SAMD3: variants seen among roughly 807,000 people sequenced by gnomAD.
SAMD3 encodes the protein sterile alpha motif domain-containing protein 3.
In SAMD3, 63 loss-of-function variants were observed where a neutral mutation model predicts 58.5. The ratio of observed to expected loss-of-function variants is 1.08; its 90% CI spans 0.88 to 1.33. The LOEUF is 1.33. Among genes scored for constraint, SAMD3 ranks in the 40% most tolerant of loss-of-function variants. The pLI, the probability that SAMD3 is intolerant of heterozygous loss-of-function variation, is 0.00. For synonymous variants in SAMD3, 220 were observed against 210.3 expected, an observed-to-expected ratio of 1.05 and a Z score of -0.40; for missense variants, 604 against 608.4, an observed-to-expected ratio of 0.99 and a Z score of 0.08.
At chr6:130,260,408 A>G (rs11154537) in intron 2 of SAMD3, among the ~76,000 whole-genome samples, 44,318 of 152,076 alleles carry the variant, frequency 0.29, 6,936 homozygotes, top group East Asian at 0.47. Flanking sequence ...AGCCCCTGTC[A>G]CGTACCTCTT....
intron 2 of SAMD3, among the ~76,000 whole-genome samples, chr6:130,247,752 A>T (rs1213249509): frequency 6.6e-6 from 1 of 152,208 alleles, no homozygotes. Context: ...TTTTACAGAC[A>T]TATTTGACTG....
intron 9 of SAMD3, among the ~76,000 whole-genome samples, chr6:130,148,992 C>A (rs900286811): frequency 4.6e-5 from 7 of 152,132 alleles, no homozygotes; most frequent in African/African-American, 1.7e-4. Flanking sequence ...AACAAAGGCA[C>A]CCGTTGATCC....
intron 7 of SAMD3, among the ~76,000 whole-genome samples, chr6:130,180,758 G>C (rs1438738731): frequency 6.6e-6 from 1 of 152,056 alleles, no homozygotes; most frequent in African/African-American, 2.4e-5. Context: ...CACCTAGTGG[G>C]TGCCAGGGAT....
chr6:130,164,607 G>A (rs551734615), intron 8 of SAMD3, among the ~76,000 whole-genome samples: 5 of 152,078 alleles, frequency 3.3e-5, no homozygotes, highest in Admixed American at 6.6e-5. Context: ...TTACACTGCC[G>A]CACCTGATAA....
chr6:130,194,285 T>A (rs1414634407), intron 5 of SAMD3, among the ~76,000 whole-genome samples: 2 of 152,216 alleles, frequency 1.3e-5, no homozygotes, highest in Non-Finnish European at 2.9e-5. Context: ...CCAGCCCAGT[T>A]CATGGCTTGT....
intron 1 of SAMD3, among the ~76,000 whole-genome samples, chr6:130,315,909 T>A (rs998491702): frequency 6.6e-6 from 1 of 152,158 alleles, no homozygotes; most frequent in Non-Finnish European, 1.5e-5. Context: ...TAAAAGGGCA[T>A]GTGAAAGTGT....
chr6:130,308,439 T>TATTCTATTCTA (rs1562513320), intron 2 of SAMD3, among the ~76,000 whole-genome samples: 1 of 148,772 alleles, frequency 6.7e-6, no homozygotes, highest in Admixed American at 6.8e-5. Flanking sequence ...TATTCTATTC[T>TATTCTATTCTA]TTTGTGTGTG....
intron 2 of SAMD3, among the ~76,000 whole-genome samples, chr6:130,289,171 A>G (rs554020664): frequency 7.9e-5 from 12 of 152,352 alleles, no homozygotes; most frequent in Admixed American, 6.5e-4. Flanking sequence ...TTTAAATGCT[A>G]GAAGTACTTT....
At chr6:130,143,838 A>G (rs1012927398), downstream of SAMD3, 1 of 152,332 alleles carries the variant, frequency 6.6e-6, no homozygotes, top group Non-Finnish European at 1.5e-5. Context: ...AGCAGAACAG[A>G]TAGAACTGGA....
chr6:130,266,910 C>T (rs778872224), intron 2 of SAMD3, among the ~76,000 whole-genome samples: 14 of 152,140 alleles, frequency 9.2e-5, no homozygotes, highest in Non-Finnish European at 1.8e-4. Context: ...CAAGATGGCT[C>T]ATGAGGATAC....
At position 130,144,526 on chromosome 6, in the gene SAMD3, G is replaced by A; in HGVS notation, c.1557C>T (p.Leu519=). ...KENEVGFQHP[L]T is the part of the protein sequence containing the mutation. ...TACAATATTTGGCATGCTATTAAGTGAGTGGGTGCTGAAATCCTACTTCGT... is the reference window on the plus strand; with the variant it reads ...TACAATATTTGGCATGCTATTAAGTAAGTGGGTGCTGAAATCCTACTTCGT... Residue 519 remains leucine, a synonymous_variant, in exon 12 of 12, where the codon CTC becomes CTT. Transcript: ENST00000439090. 1 of 1,613,738 alleles carries A rather than the reference G, an allele frequency of 6.2e-7. No individual in the cohort carries two copies.
chr6:130,172,098 T>G (rs1791305618), intron 8 of SAMD3, among the ~76,000 whole-genome samples: 1 of 152,250 alleles, frequency 6.6e-6, no homozygotes, highest in Non-Finnish European at 1.5e-5. Context: ...TGAGCCTATG[T>G]GTGTCTTTGC....
intron 1 of SAMD3, among the ~76,000 whole-genome samples, chr6:130,217,958 G>A (rs1165032207): frequency 6.6e-6 from 1 of 152,126 alleles, no homozygotes; most frequent in African/African-American, 2.4e-5. Context: ...GGCCTGGCGT[G>A]TAAAAAAGAA....
chr6:130,195,419 A>G (rs947652940), intron 5 of SAMD3, among the ~76,000 whole-genome samples: 3 of 151,962 alleles, frequency 2.0e-5, no homozygotes, highest in African/African-American at 7.3e-5. Flanking sequence ...CTCTCCTTAC[A>G]ATTCCCCCAT....
intron 1 of SAMD3, among the ~76,000 whole-genome samples, chr6:130,354,244 A>C (rs1190712131): frequency 6.6e-6 from 1 of 152,218 alleles, no homozygotes; most frequent in African/African-American, 2.4e-5. Flanking sequence ...AATTAGTTCA[A>C]CCATTGTGGA....
At chr6:130,188,046 T>A (rs1461486233) in intron 5 of SAMD3, among the ~76,000 whole-genome samples, 3 of 152,238 alleles carry the variant, frequency 2.0e-5, no homozygotes, top group African/African-American at 4.8e-5. Context: ...AGACAACACA[T>A]TTGATACTTG....
intron 2 of SAMD3, among the ~76,000 whole-genome samples, chr6:130,238,131 C>T (rs955355239): frequency 6.6e-6 from 1 of 152,000 alleles, no homozygotes; most frequent in South Asian, 2.1e-4. Context: ...AAGTCATACA[C>T]ATTTATAAAA....
intron 5 of SAMD3, among the ~76,000 whole-genome samples, chr6:130,194,160 T>A (rs1484232635): frequency 6.6e-6 from 1 of 152,174 alleles, no homozygotes; most frequent in Non-Finnish European, 1.5e-5. Flanking sequence ...AGCAATTTCC[T>A]CTTAAAAAGG....
At chr6:130,163,425 G>C (rs1424937042) in intron 8 of SAMD3, among the ~76,000 whole-genome samples, 1 of 152,184 alleles carries the variant, frequency 6.6e-6, no homozygotes, top group Non-Finnish European at 1.5e-5. Context: ...ACTTGGAAAT[G>C]ATGTACCCCC....
Sources: allele counts gnomAD v4.1 joint callset (sites outside exome capture counted in the v4.1 genomes callset), GRCh38; gene constraint gnomAD v4.1.1; transcripts MANE v1.5; gene names NCBI Gene and HGNC (gene_info 2026-07-23, HGNC 2026-07-21).